Variants in DLEU7 observed in about 807,000 individuals in gnomAD.
DLEU7 encodes deleted in lymphocytic leukemia 7, also known as leukemia-associated protein 7.
DLEU7 carries 17 observed loss-of-function variants against 16.0 expected under a neutral mutation model. That is an observed-to-expected ratio of 1.06 (90% CI 0.73 to 1.59). The LOEUF is 1.59. Among genes scored for constraint, DLEU7 ranks in the 40% most tolerant of loss-of-function variants. The pLI is 0.00. For missense variants in DLEU7, 308 were observed against 314.9 expected, an observed-to-expected ratio of 0.98 and a Z score of 0.17; for synonymous variants, 113 against 139.8, an observed-to-expected ratio of 0.81 and a Z score of 1.35.
At chr13:50,730,214 A>C (rs1873879242) in intron 1 of DLEU7, among the ~76,000 whole-genome samples, 1 of 151,912 alleles carries the variant, frequency 6.6e-6, no homozygotes, top group South Asian at 2.1e-4. Context: ...GAAGAGGTGG[A>C]AGGGGAGGCA....
At chr13:50,727,024 T>C (rs765657450) in intron 1 of DLEU7, among the ~76,000 whole-genome samples, 2 of 152,224 alleles carry the variant, frequency 1.3e-5, no homozygotes, top group Non-Finnish European at 2.9e-5. Flanking sequence ...ACCATATATC[T>C]GCTAGAGGTG....
At chr13:50,818,756 C>T (rs1876807484), downstream of DLEU7, among the ~76,000 whole-genome samples, 1 of 152,152 alleles carries the variant, frequency 6.6e-6, no homozygotes, top group Admixed American at 6.6e-5. Flanking sequence ...CTTCTGGCCT[C>T]TTTCAGCTTC....
At chr13:50,813,215 A>G (rs1186422313) in intron 1 of DLEU7, 1 of 152,144 alleles carries the variant, frequency 6.6e-6, no homozygotes, top group Non-Finnish European at 1.5e-5. Context: ...TTTCACTAAA[A>G]TGCTGTAAGC....
rs73492050 is a variant in DLEU7, at chr13:50,732,496, G to A, written c.460-19256C>T. Among the ~76,000 whole-genome samples the A allele has an allele frequency of 9.4e-3, 1,417 of 150,664 alleles. 25 individuals carry two copies. The highest frequency in any genetic ancestry group is 0.033 in the African/African-American group (1,346 of 40,942). On this transcript the variant is annotated intron_variant, in intron 1 of 1. Transcript: ENST00000400393. ...ATGGTGGCAGGCACCTGTAATGCCA[G>A]CTACTCAGGTCGAGGCAGGAGAATC...
intron 1 of DLEU7, among the ~76,000 whole-genome samples, chr13:50,834,043 G>A (rs1702672295): frequency 1.3e-5 from 2 of 152,192 alleles, no homozygotes; most frequent in South Asian, 4.1e-4. Flanking sequence ...ATTACCTCAA[G>A]ATGGATTAAA....
chr13:50,734,727 A>G (rs923879581), intron 1 of DLEU7, among the ~76,000 whole-genome samples: 2 of 152,202 alleles, frequency 1.3e-5, no homozygotes, highest in African/African-American at 4.8e-5. Flanking sequence ...GGTGGTTAAT[A>G]TCTAAAAGTC....
chr13:50,750,900 C>T (rs914376677), intron 1 of DLEU7, among the ~76,000 whole-genome samples: 11 of 152,180 alleles, frequency 7.2e-5, no homozygotes, highest in Admixed American at 1.3e-4. Flanking sequence ...GTCTGACTTC[C>T]TCTTTACTGA....
intron 1 of DLEU7, among the ~76,000 whole-genome samples, chr13:50,769,700 T>G (rs577631308): frequency 6.6e-6 from 1 of 152,316 alleles, no homozygotes; most frequent in South Asian, 2.1e-4. Flanking sequence ...ACTTGTAGTA[T>G]AGTTTGAAGT....
intron 1 of DLEU7, among the ~76,000 whole-genome samples, chr13:50,753,105 C>G (rs1168382017): frequency 1.0e-5 from 1 of 98,712 alleles, no homozygotes; most frequent in Non-Finnish European, 1.9e-5. Context: ...TTCACAAACC[C>G]TGAGCTAGAC....
intron 1 of DLEU7, among the ~76,000 whole-genome samples, chr13:50,816,073 CT>C (rs1440365329): frequency 6.6e-6 from 1 of 152,076 alleles, no homozygotes; most frequent in Non-Finnish European, 1.5e-5. Flanking sequence ...ATTCATTAAT[CT>C]CATCTCAGCC....
intron 1 of DLEU7, among the ~76,000 whole-genome samples, chr13:50,743,835 TC>T (rs978522492): frequency 1.3e-4 from 20 of 152,176 alleles, no homozygotes; most frequent in African/African-American, 4.1e-4. Context: ...GTTACAAAAA[TC>T]AATAAAGTTT....
At chr13:50,747,817 C>A (rs1299861248) in intron 1 of DLEU7, among the ~76,000 whole-genome samples, 1 of 152,172 alleles carries the variant, frequency 6.6e-6, no homozygotes, top group African/African-American at 2.4e-5. Context: ...CAACCAATTG[C>A]CAACTCTTGA....
At chr13:50,757,484 C>T (rs527351877) in intron 1 of DLEU7, among the ~76,000 whole-genome samples, 2 of 152,234 alleles carry the variant, frequency 1.3e-5, no homozygotes, top group Admixed American at 1.3e-4. Context: ...GTTACTTTTT[C>T]ATTTCTGCTG....
At chr13:50,799,504 C>T (rs58103914) in intron 1 of DLEU7, among the ~76,000 whole-genome samples, 16,597 of 152,160 alleles carry the variant, frequency 0.11, 1,421 homozygotes, top group African/African-American at 0.22. Context: ...GACAATTGTG[C>T]GTCTCTGCAA....
chr13:50,766,463 TG>T (rs1465785679), intron 1 of DLEU7, among the ~76,000 whole-genome samples: 1 of 144,108 alleles, frequency 6.9e-6, no homozygotes, highest in African/African-American at 2.5e-5. Flanking sequence ...TCTCTTTCCT[TG>T]TCTTCCTTCT....
chr13:50,828,615 T>TGGAA, intron 1 of DLEU7, among the ~76,000 whole-genome samples: 1 of 152,068 alleles, frequency 6.6e-6, no homozygotes, highest in South Asian at 2.1e-4. Flanking sequence ...TCAAAAAAAA[T>TGGAA]GGAAGGAAGA....
intron 1 of DLEU7, among the ~76,000 whole-genome samples, chr13:50,736,022 T>C (rs1654693236): frequency 6.6e-6 from 1 of 152,156 alleles, no homozygotes; most frequent in South Asian, 2.1e-4. Context: ...CCCAAAGGAA[T>C]ATAAATAGTT....
At chr13:50,728,275 A>G (rs745884863) in intron 1 of DLEU7, among the ~76,000 whole-genome samples, 2 of 152,226 alleles carry the variant, frequency 1.3e-5, no homozygotes, top group Non-Finnish European at 2.9e-5. Flanking sequence ...TTTAAAGACA[A>G]ATAAGAAATA....
intron 1 of DLEU7, among the ~76,000 whole-genome samples, chr13:50,749,556 A>G (rs1366662672): frequency 6.6e-6 from 1 of 152,192 alleles, no homozygotes; most frequent in East Asian, 1.9e-4. Context: ...TCCTACCAGC[A>G]TGTAGACATG....
Sources: allele counts gnomAD v4.1 joint callset (sites outside exome capture counted in the v4.1 genomes callset), GRCh38; gene constraint gnomAD v4.1.1; transcripts MANE v1.5; gene names NCBI Gene and HGNC (gene_info 2026-07-23, HGNC 2026-07-21).